Variants in KCNC2 observed in about 807,000 individuals in gnomAD.
The protein encoded by KCNC2 is voltage-gated potassium channel KCNC2.
A neutral mutation model predicts 44.5 loss-of-function variants in KCNC2; 21 were observed. The observed-to-expected ratio is 0.47, with a 90% CI of 0.33 to 0.68. KCNC2 has a LOEUF of 0.68. Among genes scored for constraint, KCNC2 ranks in the 30% least tolerant of loss-of-function variants. The pLI is 0.01. For missense variants in KCNC2, 589 were observed against 826.2 expected (o/e 0.71, Z 3.52); for synonymous variants, 391 against 339.1 (o/e 1.15, Z -1.68).
intron 2 of KCNC2, among the ~76,000 whole-genome samples, chr12:75,186,499 C>T (rs910456668): frequency 1.3e-5 from 2 of 151,208 alleles, no homozygotes; most frequent in Non-Finnish European, 1.5e-5. Context: ...TTACGTACAA[C>T]CCATCTCCTT....
intron 2 of KCNC2, among the ~76,000 whole-genome samples, chr12:75,065,904 C>T (rs1376069463): frequency 9.9e-5 from 15 of 152,016 alleles, no homozygotes; most frequent in Admixed American, 2.6e-4. Context: ...CAGTATGATC[C>T]GGCTTCCCTT....
intron 2 of KCNC2, among the ~76,000 whole-genome samples, chr12:75,054,418 G>C (rs997622081): frequency 2.6e-5 from 4 of 152,098 alleles, no homozygotes; most frequent in African/African-American, 9.7e-5. Context: ...AAAAGGAAAA[G>C]CTCTCTAAGG....
chr12:75,155,251 G>A (rs556757915), intron 2 of KCNC2, among the ~76,000 whole-genome samples: 1 of 151,990 alleles, frequency 6.6e-6, no homozygotes, highest in South Asian at 2.1e-4. Flanking sequence ...TGAGTAAATT[G>A]TATTCCATGA....
In KCNC2 at chr12:75,207,033, CAT is replaced by C. The variant is rs2031740420; in HGVS notation, c.687+262_687+263del. ...CCAAAGACGTGCACAGAAAAGTCGA[CAT>C]TGGCCCTCTAGGTCCCATCTGCTAA... On this transcript the variant is annotated intron_variant, in intron 2 of 4. Coordinates refer to ENST00000549446, the MANE Select transcript of KCNC2 (RefSeq NM_139137.4). This position sits in a 1 kb window ranked among gnomAD's most constrained non-coding sequence, Gnocchi z 4.1. Among the ~76,000 whole-genome samples the C allele has an allele frequency of 6.6e-6, 1 of 152,202 alleles. No homozygotes were observed. Among genetic ancestry groups the C allele is most frequent in the South Asian group, 2.1e-4 (1 of 4,830 alleles).
intron 2 of KCNC2, among the ~76,000 whole-genome samples, chr12:75,123,577 T>C (rs1888192634): frequency 2.0e-5 from 3 of 152,186 alleles, no homozygotes; most frequent in South Asian, 4.1e-4. Context: ...CTCTCCTTTT[T>C]CCTAGGGAAC....
chr12:75,096,905 C>T (rs1000738287), intron 2 of KCNC2, among the ~76,000 whole-genome samples: 3 of 151,912 alleles, frequency 2.0e-5, no homozygotes, highest in African/African-American at 7.2e-5. Flanking sequence ...TATAGAAACA[C>T]AATTTTTAAA....
intron 3 of KCNC2, among the ~76,000 whole-genome samples, 197 bp from the exon 4 acceptor site, chr12:75,048,514 A>G (rs1216677032): frequency 6.6e-6 from 1 of 152,146 alleles, no homozygotes; most frequent in Non-Finnish European, 1.5e-5. Flanking sequence ...TGAAAAGAAT[A>G]GAAATGTTTT....
intron 2 of KCNC2, among the ~76,000 whole-genome samples, chr12:75,120,980 G>A (rs1025208584): frequency 6.6e-6 from 1 of 152,004 alleles, no homozygotes; most frequent in Non-Finnish European, 1.5e-5. Flanking sequence ...ACCAATATAG[G>A]GCAACTTTCC....
chr12:75,130,108 G>A (rs1888722779), intron 2 of KCNC2, among the ~76,000 whole-genome samples: 1 of 151,892 alleles, frequency 6.6e-6, no homozygotes, highest in South Asian at 2.1e-4. Context: ...TCCAAAACAG[G>A]TCCTGTACCC....
At position 75,048,429 on chromosome 12, in the gene KCNC2, G is replaced by C. The variant is rs79050565; in HGVS notation, c.1616-112C>G. On this transcript the variant is annotated intron_variant, in intron 3 of 4. Transcript: ENST00000549446. ...CAGTCACTCGATATACAACACACAA[G>C]AATCACATCACAATAAGAAAAAGAA... 469 of 726,348 alleles carry C rather than the reference G, an allele frequency of 6.5e-4. 6 individuals are homozygous for C. The East Asian group carries it at 0.014, about 22-fold the overall frequency. 45.0% of individuals were successfully genotyped at this position (726,348 alleles called of 1,614,324 possible).
At chr12:75,165,266 T>C (rs1371921932) in intron 2 of KCNC2, among the ~76,000 whole-genome samples, 7 of 151,574 alleles carry the variant, frequency 4.6e-5, no homozygotes, top group Non-Finnish European at 7.4e-5. Flanking sequence ...AAAAGAGCAT[T>C]AAATAATTAG....
intron 2 of KCNC2, among the ~76,000 whole-genome samples, chr12:75,201,133 G>A (rs1009840532): frequency 6.6e-6 from 1 of 151,036 alleles, no homozygotes; most frequent in Non-Finnish European, 1.5e-5. Context: ...AGATCAATAT[G>A]TGGTTGAGAG....
intron 2 of KCNC2, among the ~76,000 whole-genome samples, chr12:75,202,910 A>T (rs2031402497): frequency 6.6e-6 from 1 of 151,436 alleles, no homozygotes; most frequent in Admixed American, 6.6e-5. Context: ...TTACAAATAG[A>T]GAGGTGAGCT....
rs1424726149 is a variant in KCNC2 at position 75,050,780 on chromosome 12, G to T, written c.1225C>A (p.Gln409Lys). 1 of 1,613,382 alleles carries T rather than the reference G, an allele frequency of 6.2e-7. No individual in the cohort carries two copies. The highest frequency in any genetic ancestry group is 8.5e-7 in the Non-Finnish European group (1 of 1,179,830). ...TCACTAGCTGAAGGGTCGTTAGGTT[G>T]AGCTCCCACTCTCTCGGCATAGTAG... The part of the protein sequence containing the change: ...MIYYAERVGA[Q>K]PNDPSASEHT... The change falls in exon 3 of 5, where the codon CAA becomes AAA. Residue 409 changes from glutamine (Q) to lysine (K), a missense_variant. This residue lies in a region of KCNC2 where 67 missense variants were observed against 237.4 expected (regional missense o/e 0.28). Transcript: ENST00000549446.
At chr12:75,205,546 T>G (rs1375355139) in intron 2 of KCNC2, among the ~76,000 whole-genome samples, 1 of 152,188 alleles carries the variant, frequency 6.6e-6, no homozygotes, top group Non-Finnish European at 1.5e-5. Context: ...TGATAAAAGT[T>G]GAACACCTTC....
intron 2 of KCNC2, among the ~76,000 whole-genome samples, chr12:75,103,883 T>C (rs1886571029): frequency 6.6e-6 from 1 of 152,206 alleles, no homozygotes; most frequent in Non-Finnish European, 1.5e-5. Context: ...TCTCAAAATA[T>C]CTATGGTACT....
At chr12:75,138,911 G>A (rs1592949933) in intron 2 of KCNC2, among the ~76,000 whole-genome samples, 2 of 148,802 alleles carry the variant, frequency 1.3e-5, no homozygotes, top group East Asian at 4.2e-4. Flanking sequence ...AACCCGGGAG[G>A]CGGAGCTTGC....
At chr12:75,157,501 T>A (rs902079293) in intron 2 of KCNC2, among the ~76,000 whole-genome samples, 8 of 152,034 alleles carry the variant, frequency 5.3e-5, no homozygotes, top group African/African-American at 1.9e-4. Flanking sequence ...AACTAATAGA[T>A]TTATCCTCAA....
intron 2 of KCNC2, among the ~76,000 whole-genome samples, chr12:75,073,774 G>A (rs770327716): frequency 2.0e-5 from 3 of 152,022 alleles, no homozygotes; most frequent in Non-Finnish European, 2.9e-5. Flanking sequence ...TAAATTTATG[G>A]GCTATCTGAT....
Sources: gnomAD v4.1 joint callset for allele counts (sites outside exome capture counted in the v4.1 genomes callset) on GRCh38, gnomAD v4.1.1 for gene constraint, gnomAD v4.1.1 regional missense constraint, Gnocchi (gnomAD v3.1) non-coding constraint, MANE v1.5 for transcripts, NCBI Gene and HGNC (gene_info 2026-07-23, HGNC 2026-07-21) for gene names.